Variants in GABRG3 observed in about 807,000 individuals in gnomAD.
GABRG3 encodes gamma-aminobutyric acid type A receptor subunit gamma3.
Under a neutral mutation model 48.8 loss-of-function variants are expected in GABRG3, and 25 were observed. That is an observed-to-expected ratio of 0.51 (90% confidence interval 0.37 to 0.72). The LOEUF (loss-of-function observed/expected upper bound fraction) is 0.72, where lower values mean the gene tolerates loss of function less well. Ranked by LOEUF, GABRG3 falls within the 30% of genes least tolerant of loss-of-function variation. GABRG3 has a pLI of 0.00. For missense variants in GABRG3, 394 were observed against 577.9 expected (o/e 0.68, Z 3.26); for synonymous variants, 227 against 217.6 (o/e 1.04, Z -0.38).
chr15:27,174,655 A>G (rs1219348900), intron 3 of GABRG3, among the ~76,000 whole-genome samples: 1 of 149,494 alleles, frequency 6.7e-6, no homozygotes. Context: ...ATAAACTTGT[A>G]GGTCCTTATG....
chr15:27,224,763 C>T lies in GABRG3; in HGVS notation c.271-102046C>T, dbSNP rs193196286. 5.9e-5 allele frequency among the ~76,000 whole-genome samples: 9 copies of T among 152,352 alleles called. No homozygotes were observed. In the East Asian group the frequency reaches 1.7e-3, roughly 29 times the overall value. On this transcript the variant is annotated intron_variant, in intron 3 of 9. Coordinates refer to ENST00000615808, the MANE Select transcript of GABRG3 (RefSeq NM_033223.5). ...ACATCCCTGCAATGAAACTTTCTTG[C>T]ATGCTGTGCATATAGGATAACGTTA...
At chr15:27,303,051 A>G (rs1270532642) in intron 3 of GABRG3, among the ~76,000 whole-genome samples, 1 of 151,866 alleles carries the variant, frequency 6.6e-6, no homozygotes, top group Admixed American at 6.6e-5. Context: ...CACTAACCTA[A>G]GCTTCCACCT....
Position 27,352,280 on chromosome 15 carries a change from G to A in GABRG3, c.574+23392G>A, listed in dbSNP as rs760554248. ...CCGTCTCGCGCTCACTGTTCACAGCGTAAATCCAGACCCATAGTGAGAGGA... is the reference window on the plus strand; with the variant it reads ...CCGTCTCGCGCTCACTGTTCACAGCATAAATCCAGACCCATAGTGAGAGGA... On this transcript the variant is annotated intron_variant, in intron 5 of 9. Transcript: ENST00000615808. The surrounding 1 kb of genome is among the most constrained non-coding windows in gnomAD (Gnocchi z 4.0). 6.6e-6 allele frequency among the ~76,000 whole-genome samples: 1 copy of A among 151,878 alleles called. No individual in the cohort carries two copies. The highest frequency in any genetic ancestry group is 1.5e-5 in the Non-Finnish European group (1 of 67,982).
chr15:27,088,954 G>C (rs1225508835), intron 3 of GABRG3, among the ~76,000 whole-genome samples: 1 of 152,146 alleles, frequency 6.6e-6, no homozygotes, highest in Non-Finnish European at 1.5e-5. Flanking sequence ...GCTGTGCCGG[G>C]TCCAGGGCAT....
At chr15:27,130,777 A>G (rs986231866) in intron 3 of GABRG3, among the ~76,000 whole-genome samples, 33 of 151,960 alleles carry the variant, frequency 2.2e-4, no homozygotes, top group African/African-American at 6.8e-4. Flanking sequence ...TTTTGGTACT[A>G]TTGTAAATGG....
chr15:27,349,983 A>T (rs1016104912), intron 5 of GABRG3: 5 of 323,048 alleles, frequency 1.5e-5, no homozygotes, highest in Non-Finnish European at 3.1e-5. Context: ...TAACTTTCCC[A>T]TCGGTACTCA....
chr15:27,050,881 A>G (rs530844141), intron 3 of GABRG3, among the ~76,000 whole-genome samples: 18 of 152,332 alleles, frequency 1.2e-4, no homozygotes, highest in African/African-American at 3.8e-4. Flanking sequence ...TGCTTATAAT[A>G]TGATGTTTAA....
chr15:27,527,746 G>A (rs2303879), intron 8 of GABRG3, 117 bp downstream of exon 8: 613,753 of 1,089,270 alleles, frequency 0.56, 178,513 homozygotes, highest in African/African-American at 0.84. Flanking sequence ...CAAATACCCA[G>A]TTCAACAAGA....
At chr15:27,504,225 CCT>C (rs1890710191) in intron 6 of GABRG3, among the ~76,000 whole-genome samples, 1 of 151,682 alleles carries the variant, frequency 6.6e-6, no homozygotes, top group African/African-American at 2.4e-5. Flanking sequence ...TTCTATTTCT[CCT>C]CTTTTTCTCA....
At chr15:27,215,499 A>T (rs570765377) in intron 3 of GABRG3, among the ~76,000 whole-genome samples, 1 of 152,278 alleles carries the variant, frequency 6.6e-6, no homozygotes, top group East Asian at 1.9e-4. Context: ...CTCTGACCCA[A>T]TTTAGGCTCT....
At chr15:27,474,236 C>T (rs530896030) in intron 5 of GABRG3, among the ~76,000 whole-genome samples, 1 of 151,930 alleles carries the variant, frequency 6.6e-6, no homozygotes, top group South Asian at 2.1e-4. Context: ...ACAAATATAC[C>T]CAATTGGCAG....
At chr15:27,034,158 A>G (rs990570031) in intron 3 of GABRG3, among the ~76,000 whole-genome samples, 1 of 152,236 alleles carries the variant, frequency 6.6e-6, no homozygotes, top group African/African-American at 2.4e-5. Flanking sequence ...ATATGCCTGT[A>G]TTGATGCCTT....
At chr15:26,979,074 T>C (rs1266073962) in intron 2 of GABRG3, among the ~76,000 whole-genome samples, 1 of 152,250 alleles carries the variant, frequency 6.6e-6, no homozygotes, top group African/African-American at 2.4e-5. Context: ...ACTAAGTATT[T>C]TGTTTTTTGG....
intron 3 of GABRG3, among the ~76,000 whole-genome samples, chr15:27,036,377 G>T (rs1187250993): frequency 1.3e-5 from 2 of 152,142 alleles, no homozygotes; most frequent in African/African-American, 4.8e-5. Context: ...TAGTAAGCAG[G>T]GAAATTGTGT....
intron 9 of GABRG3, 106 bp from the exon 10 acceptor site, chr15:27,532,494 C>T (rs1265094594): frequency 2.0e-6 from 2 of 1,016,976 alleles, no homozygotes; most frequent in African/African-American, 3.3e-5. Flanking sequence ...CACGCATCCT[C>T]TTTATCTATA....
intron 5 of GABRG3, among the ~76,000 whole-genome samples, chr15:27,435,454 AGT>A: frequency 6.6e-6 from 1 of 152,260 alleles, no homozygotes; most frequent in East Asian, 1.9e-4. Context: ...ACAAAAAATG[AGT>A]GGAGACCAGA....
intron 5 of GABRG3, among the ~76,000 whole-genome samples, chr15:27,451,821 C>T (rs1889121280): frequency 6.6e-6 from 1 of 152,058 alleles, no homozygotes; most frequent in Admixed American, 6.6e-5. Flanking sequence ...ATGAAAGGAA[C>T]TCAACAACAA....
chr15:27,408,613 G>A (rs980404122), intron 5 of GABRG3, among the ~76,000 whole-genome samples: 7 of 152,126 alleles, frequency 4.6e-5, no homozygotes, highest in Admixed American at 1.3e-4. Context: ...TGTGAGGGCC[G>A]CGGGTCTGCC....
chr15:27,519,136 C>A (rs1891098354), intron 6 of GABRG3, among the ~76,000 whole-genome samples: 1 of 152,080 alleles, frequency 6.6e-6, no homozygotes, highest in African/African-American at 2.4e-5. Flanking sequence ...CACTGGATGA[C>A]TGAATCCAGC....
Sources: gnomAD v4.1 joint callset for allele counts (sites outside exome capture counted in the v4.1 genomes callset) on GRCh38, gnomAD v4.1.1 for gene constraint, Gnocchi (gnomAD v3.1) non-coding constraint, MANE v1.5 for transcripts, NCBI Gene and HGNC (gene_info 2026-07-23, HGNC 2026-07-21) for gene names.